Variants in GALNT7 observed in about 807,000 individuals in gnomAD.
GALNT7 encodes the protein polypeptide N-acetylgalactosaminyltransferase 7.
A neutral mutation model predicts 82.1 loss-of-function variants in GALNT7; 60 were observed. The observed-to-expected ratio is 0.73, with a 90% confidence interval of 0.59 to 0.91. GALNT7 has a LOEUF of 0.91. Ranked by LOEUF, GALNT7 falls within the 40% of genes least tolerant of loss-of-function variation. The pLI is 0.00. For synonymous variants in GALNT7, 243 were observed against 275.1 expected (o/e 0.88, Z 1.15); for missense variants, 660 against 804.2 (o/e 0.82, Z 2.17).
chr4:173,316,137 C>G (rs1580018353), intron 9 of GALNT7: 1 of 152,378 alleles, frequency 6.6e-6, no homozygotes, highest in Admixed American at 6.5e-5. Flanking sequence ...CTGGTAGTCT[C>G]CAAGATCCAC....
chr4:173,273,211 T>C (rs1172231124), intron 2 of GALNT7, among the ~76,000 whole-genome samples: 1 of 152,160 alleles, frequency 6.6e-6, no homozygotes, highest in African/African-American at 2.4e-5. Context: ...ACTCACTGAG[T>C]GATGAAACAT....
At chr4:173,248,843 AG>A (rs1734753159) in intron 2 of GALNT7, among the ~76,000 whole-genome samples, 1 of 152,188 alleles carries the variant, frequency 6.6e-6, no homozygotes, top group African/African-American at 2.4e-5. Flanking sequence ...TTCATTCTGG[AG>A]CAAGTGCCTT....
chr4:173,291,624 A>G (rs564907778), intron 2 of GALNT7, among the ~76,000 whole-genome samples: 1 of 152,354 alleles, frequency 6.6e-6, no homozygotes, highest in South Asian at 2.1e-4. Flanking sequence ...TGCTTGCTAT[A>G]TGCCTCAGGT....
At chr4:173,282,029 C>T (rs994033682) in intron 2 of GALNT7, among the ~76,000 whole-genome samples, 2 of 152,166 alleles carry the variant, frequency 1.3e-5, no homozygotes, top group African/African-American at 4.8e-5. Context: ...GAAAGCACTT[C>T]GCAGCGGAGA....
At chr4:173,241,102 G>A (rs1237499441) in intron 1 of GALNT7, among the ~76,000 whole-genome samples, 1 of 151,604 alleles carries the variant, frequency 6.6e-6, no homozygotes, top group African/African-American at 2.4e-5. Flanking sequence ...AGGCACAGTA[G>A]TTCATCCCCT....
At chr4:173,246,201 G>A (rs1734628413) in intron 1 of GALNT7, among the ~76,000 whole-genome samples, 1 of 152,174 alleles carries the variant, frequency 6.6e-6, no homozygotes, top group Non-Finnish European at 1.5e-5. Context: ...TAGTTCTGGT[G>A]GAATGCAATT....
intron 1 of GALNT7, among the ~76,000 whole-genome samples, chr4:173,214,876 C>G (rs1192213522): frequency 6.6e-6 from 1 of 151,768 alleles, no homozygotes; most frequent in Non-Finnish European, 1.5e-5. Flanking sequence ...CAAAACCTCT[C>G]AAATAGCAGA....
chr4:173,185,661 G>C (rs1732440986), intron 1 of GALNT7, among the ~76,000 whole-genome samples: 1 of 152,180 alleles, frequency 6.6e-6, no homozygotes, highest in Non-Finnish European at 1.5e-5. Context: ...TCAGAACTCT[G>C]TATTGTAACA....
At chr4:173,241,625 T>G (rs1734436407) in intron 1 of GALNT7, among the ~76,000 whole-genome samples, 1 of 152,210 alleles carries the variant, frequency 6.6e-6, no homozygotes, top group Non-Finnish European at 1.5e-5. Context: ...ATAGACAACT[T>G]TTTAAGAAGA....
At chr4:173,275,002 A>T (rs1735849980) in intron 2 of GALNT7, among the ~76,000 whole-genome samples, 1 of 152,126 alleles carries the variant, frequency 6.6e-6, no homozygotes, top group Admixed American at 6.6e-5. Context: ...TGTCCTCACC[A>T]AAAGGAAATA....
At chr4:173,189,406 T>A (rs1732555240) in intron 1 of GALNT7, among the ~76,000 whole-genome samples, 1 of 152,360 alleles carries the variant, frequency 6.6e-6, no homozygotes, top group East Asian at 1.9e-4. Flanking sequence ...GTTTTAAGTA[T>A]AACCCATATT....
intron 8 of GALNT7, among the ~76,000 whole-genome samples, chr4:173,306,393 C>G (rs1474182334): frequency 6.6e-6 from 1 of 152,144 alleles, no homozygotes; most frequent in African/African-American, 2.4e-5. Flanking sequence ...GCTAAAACTT[C>G]CAGTAGTATG....
intron 2 of GALNT7, among the ~76,000 whole-genome samples, chr4:173,251,939 T>C (rs970690228): frequency 6.6e-6 from 1 of 152,230 alleles, no homozygotes; most frequent in Non-Finnish European, 1.5e-5. Flanking sequence ...ATCCAAATTA[T>C]TTTTTAAACT....
intron 2 of GALNT7, among the ~76,000 whole-genome samples, chr4:173,289,787 T>C (rs548986041): frequency 1.3e-5 from 2 of 152,144 alleles, no homozygotes; most frequent in Non-Finnish European, 2.9e-5. Context: ...TGCTTATCTG[T>C]GTGTAGGTGT....
At chr4:173,170,125 A>G (rs369596484) in intron 1 of GALNT7, among the ~76,000 whole-genome samples, 162 of 152,090 alleles carry the variant, frequency 1.1e-3, no homozygotes, top group African/African-American at 3.5e-3. Flanking sequence ...CCCGACCCTG[A>G]CCTGCTTCCC....
At chr4:173,234,022 A>G (rs1219386133) in intron 1 of GALNT7, among the ~76,000 whole-genome samples, 3 of 152,192 alleles carry the variant, frequency 2.0e-5, no homozygotes, top group African/African-American at 7.2e-5. Context: ...TTACCCTGCC[A>G]AAACAGCTGT....
chr4:173,226,796 T>C lies in GALNT7; in HGVS notation c.127-21184T>C, dbSNP rs564908211. 1.3e-5 allele frequency among the ~76,000 whole-genome samples: 2 copies of C among 152,328 alleles called. 1 individual carries two copies. The highest frequency in any genetic ancestry group is 4.1e-4 in the South Asian group (2 of 4,822). On this transcript the variant is annotated intron_variant, in intron 1 of 11. Coordinates refer to ENST00000265000, the MANE Select transcript of GALNT7 (RefSeq NM_017423.3). ...CTCAGCATAAGAAATGCCTGATTTT[T>C]CCATTTAAATGAGGTGAGGCTATGT...
At chr4:173,209,728 C>T (rs1359682071) in intron 1 of GALNT7, among the ~76,000 whole-genome samples, 1 of 152,250 alleles carries the variant, frequency 6.6e-6, no homozygotes, top group African/African-American at 2.4e-5. Context: ...CTCTTTCCCA[C>T]CCTACCTGCC....
chr4:173,307,249 T>C (rs1397297423), intron 8 of GALNT7, among the ~76,000 whole-genome samples: 1 of 152,222 alleles, frequency 6.6e-6, no homozygotes, highest in East Asian at 1.9e-4. Flanking sequence ...GTAGAGTGGC[T>C]GGGGAGCTGA....
Sources: allele counts gnomAD v4.1 joint callset (sites outside exome capture counted in the v4.1 genomes callset), GRCh38; gene constraint gnomAD v4.1.1; transcripts MANE v1.5; gene names NCBI Gene and HGNC (gene_info 2026-07-23, HGNC 2026-07-21).